Variants in DIPK1C observed in about 807,000 individuals in gnomAD.
DIPK1C encodes divergent protein kinase domain 1C, also known as familial non-conventional Alzheimer's dementia.
A neutral mutation model predicts 28.0 loss-of-function variants in DIPK1C; 33 were observed. The ratio of observed to expected loss-of-function variants is 1.18; its 90% confidence interval spans 0.89 to 1.58. The LOEUF (loss-of-function observed/expected upper bound fraction) is 1.58. Among genes scored for constraint, DIPK1C ranks in the 40% most tolerant of loss-of-function variants. DIPK1C has a pLI of 0.00. For missense variants in DIPK1C, 569 were observed against 568.5 expected (o/e 1.00, Z -0.01); for synonymous variants, 255 against 248.8 (o/e 1.02, Z -0.23).
At chr18:74,456,554 C>A (rs1472461816) in intron 1 of DIPK1C, among the ~76,000 whole-genome samples, 1 of 152,200 alleles carries the variant, frequency 6.6e-6, no homozygotes, top group East Asian at 1.9e-4. Context: ...GTCAGACCAG[C>A]CCTCCGCATG....
intron 1 of DIPK1C, among the ~76,000 whole-genome samples, chr18:74,452,225 G>C (rs1221403347): frequency 6.6e-6 from 1 of 152,124 alleles, no homozygotes; most frequent in Non-Finnish European, 1.5e-5. Context: ...GTGTGGTTAT[G>C]GCACAGATAT....
the DIPK1C span, among the ~76,000 whole-genome samples, chr18:74,464,323 T>G: frequency 4.6e-5 from 7 of 152,244 alleles, no homozygotes; most frequent in African/African-American, 1.7e-4. Flanking sequence ...GGAAAATCCT[T>G]GGTTCCACCT....
intron 2 of DIPK1C, 82 bp from the exon 3 acceptor site, chr18:74,442,198 C>T (rs1352490732): frequency 7.2e-6 from 11 of 1,519,784 alleles, no homozygotes; most frequent in Non-Finnish European, 9.8e-6. Context: ...CTTCTGTTCA[C>T]CTCGTGCGGG....
Position 74,435,583 on chromosome 18 carries a change from C to T in DIPK1C, c.*918G>A, listed in dbSNP as rs1334745235. ...TGAAGACAATGCTGCATCAAGCCAA[C>T]CTACAAGTCCCTGCCCAGGGGAAGG... On this transcript the variant is annotated 3_prime_UTR_variant, in exon 4 of 4. Coordinates refer to ENST00000343998, the MANE Select transcript of DIPK1C (RefSeq NM_001044369.3). The T allele has an allele frequency of 6.6e-6, 1 of 152,164 alleles. No individual in the cohort carries two copies. Among genetic ancestry groups the T allele is most frequent in the African/African-American group, 2.4e-5 (1 of 41,412 alleles). The allele number at this position is 152,164 out of a possible 1,614,324, so 9.4% of individuals were successfully genotyped here.
At chr18:74,452,324 C>T (rs548002231) in intron 1 of DIPK1C, among the ~76,000 whole-genome samples, 2 of 152,156 alleles carry the variant, frequency 1.3e-5, no homozygotes, top group East Asian at 3.9e-4. Context: ...CCATGGCTTA[C>T]CAGTGTTAAA....
chr18:74,459,281 A>G (rs924206109), upstream of DIPK1C, among the ~76,000 whole-genome samples: 1 of 152,214 alleles, frequency 6.6e-6, no homozygotes, highest in Non-Finnish European at 1.5e-5. Context: ...TGAAATCAAA[A>G]TTAACCACAT....
chr18:74,436,825 C>T lies in DIPK1C; in HGVS notation c.1042-106G>A. ...ACAGATTTCAGCTTCTCTCCCACCCCCACCCCCGTCCTTCAGGGAGCACAC... is the reference window on the plus strand; with the variant it reads ...ACAGATTTCAGCTTCTCTCCCACCCTCACCCCCGTCCTTCAGGGAGCACAC... On this transcript the variant is annotated intron_variant, in intron 3 of 3. Coordinates refer to ENST00000343998, the MANE Select transcript of DIPK1C (RefSeq NM_001044369.3). The T allele has an allele frequency of 6.7e-6, 7 of 1,048,494 alleles. No homozygotes were observed. In the South Asian group the frequency reaches 1.2e-4, roughly 17 times the overall value. 64.9% of individuals were successfully genotyped at this position (1,048,494 alleles called of 1,614,324 possible).
intron 1 of DIPK1C, 116 bp downstream of exon 1, chr18:74,456,946 A>C: frequency 1.8e-6 from 2 of 1,112,664 alleles, no homozygotes; most frequent in Non-Finnish European, 2.3e-6. Flanking sequence ...TCGGGAACCC[A>C]TGTCCCCGGC....
chr18:74,438,930 C>T (rs1223495456), intron 3 of DIPK1C, among the ~76,000 whole-genome samples: 2 of 152,244 alleles, frequency 1.3e-5, no homozygotes, highest in East Asian at 3.9e-4. Flanking sequence ...GAAAGTGGGT[C>T]TCCCCTTGGC....
chr18:74,457,347 G>C (rs1025173723), upstream of DIPK1C: 285 of 929,032 alleles, frequency 3.1e-4, no homozygotes, highest in African/African-American at 4.8e-3. Context: ...AGGCCCGCTC[G>C]GCGGGGAGGG....
At chr18:74,461,885 A>G (rs1986623472), upstream of DIPK1C, among the ~76,000 whole-genome samples, 1 of 152,084 alleles carries the variant, frequency 6.6e-6, no homozygotes, top group African/African-American at 2.4e-5. Context: ...CCTCCTGAGT[A>G]GCTGGGACCA....
chr18:74,456,368 G>C (rs1320813117), intron 1 of DIPK1C, among the ~76,000 whole-genome samples: 1 of 152,252 alleles, frequency 6.6e-6, no homozygotes, highest in African/African-American at 2.4e-5. Context: ...GGAGCTGCTG[G>C]GTGCGAGCTT....
At chr18:74,457,350 G>A, upstream of DIPK1C, 4 of 927,780 alleles carry the variant, frequency 4.3e-6, no homozygotes, top group Non-Finnish European at 5.1e-6. Context: ...CCCGCTCGGC[G>A]GGGAGGGGGA....
Position 74,457,292 on chromosome 18 carries a change from C to T in DIPK1C, c.-33G>A, listed in dbSNP as rs1986539323. 3.0e-6 allele frequency: 3 copies of T among 984,044 alleles called. No individual in the cohort carries two copies. Among genetic ancestry groups the T allele is most frequent in the Non-Finnish European group, 3.6e-6 (3 of 829,408 alleles). 61.0% of individuals were successfully genotyped at this position (984,044 alleles called of 1,614,324 possible). Reference sequence around the variant, plus strand: ...CCTGCCCGCGCCCGGGCCCCACCGCCGCCCGCGCCCCGAGTTCCGCACTCG... The same window carrying T: ...CCTGCCCGCGCCCGGGCCCCACCGCTGCCCGCGCCCCGAGTTCCGCACTCG... On this transcript the variant is annotated 5_prime_UTR_variant, in exon 1 of 4. Coordinates refer to ENST00000343998, the MANE Select transcript of DIPK1C (RefSeq NM_001044369.3).
chr18:74,449,115 A>G (rs975412226), intron 1 of DIPK1C, among the ~76,000 whole-genome samples: 5 of 152,174 alleles, frequency 3.3e-5, no homozygotes, highest in Admixed American at 6.5e-5. Context: ...TCTCAAAAAA[A>G]AAAATCCAAA....
At chr18:74,443,381 C>T (rs1471518018) in intron 2 of DIPK1C, among the ~76,000 whole-genome samples, 1 of 152,202 alleles carries the variant, frequency 6.6e-6, no homozygotes, top group Admixed American at 6.5e-5. Flanking sequence ...TTTCACAAGC[C>T]TTCACAGGTC....
chr18:74,448,875 G>A (rs925444080), intron 1 of DIPK1C, among the ~76,000 whole-genome samples: 17 of 152,138 alleles, frequency 1.1e-4, no homozygotes, highest in Non-Finnish European at 1.9e-4. Context: ...TTGGGAGGCC[G>A]AGGCGGGCAG....
chr18:74,454,597 A>G (rs1261113456), intron 1 of DIPK1C, among the ~76,000 whole-genome samples: 1 of 152,242 alleles, frequency 6.6e-6, no homozygotes, highest in Non-Finnish European at 1.5e-5. Context: ...CTGGAGGCCC[A>G]TCAGGAAAAT....
chr18:74,444,291 T>G (rs925289948), intron 2 of DIPK1C, among the ~76,000 whole-genome samples: 1 of 152,184 alleles, frequency 6.6e-6, no homozygotes, highest in African/African-American at 2.4e-5. Flanking sequence ...GGTTCCTAGT[T>G]ATTCATTTAC....
Sources: allele counts gnomAD v4.1 joint callset (sites outside exome capture counted in the v4.1 genomes callset), GRCh38; gene constraint gnomAD v4.1.1; transcripts MANE v1.5; gene names NCBI Gene and HGNC (gene_info 2026-07-23, HGNC 2026-07-21).